The following LPP variants were observed in gnomAD, a reference collection of about 807,000 sequenced individuals.
The protein encoded by LPP is lipoma-preferred partner.
A neutral mutation model predicts 60.4 loss-of-function variants in LPP; 38 were observed. The ratio of observed to expected loss-of-function variants is 0.63; its 90% CI spans 0.49 to 0.83. LPP has a LOEUF of 0.83. Ranked by LOEUF, LPP falls within the 40% of genes least tolerant of loss-of-function variation. LPP has a pLI of 0.00. For missense variants in LPP, 902 were observed against 783.6 expected (o/e 1.15, Z -1.80); for synonymous variants, 328 against 290.8 (o/e 1.13, Z -1.30).
intron 8 of LPP, chr3:188,711,485 G>A (rs1711512369): frequency 6.6e-6 from 1 of 152,168 alleles, no homozygotes; most frequent in Non-Finnish European, 1.5e-5. Flanking sequence ...AGCTAGCCAG[G>A]CTACATATTT....
At chr3:188,577,119 T>C (rs1223017923) in intron 6 of LPP, among the ~76,000 whole-genome samples, 3 of 152,158 alleles carry the variant, frequency 2.0e-5, no homozygotes, top group Non-Finnish European at 2.9e-5. Flanking sequence ...GTTTTTAAGA[T>C]CACTGAGCTC....
At chr3:188,588,423 G>A (rs1837956427) in intron 6 of LPP, among the ~76,000 whole-genome samples, 3 of 152,114 alleles carry the variant, frequency 2.0e-5, no homozygotes. Flanking sequence ...AAAGGTAGAT[G>A]TTATCCTTCA....
At chr3:188,296,104 G>A (rs1235448589) in intron 2 of LPP, among the ~76,000 whole-genome samples, 13 of 152,142 alleles carry the variant, frequency 8.5e-5, no homozygotes, top group Non-Finnish European at 1.8e-4. Flanking sequence ...AAGCAAGATC[G>A]TGAATATAAT....
intron 2 of LPP, chr3:188,240,198 A>G (rs552696981): frequency 5.5e-6 from 1 of 180,504 alleles, no homozygotes; most frequent in Admixed American, 6.3e-5. Context: ...TGTGTGTTTC[A>G]TTTTCCTTTC....
intron 6 of LPP, among the ~76,000 whole-genome samples, chr3:188,534,268 G>A (rs1822971715): frequency 6.6e-6 from 1 of 152,148 alleles, no homozygotes; most frequent in Non-Finnish European, 1.5e-5. Flanking sequence ...TTGTTTGTTT[G>A]ACCTTGATGA....
Position 188,484,704 on chromosome 3 carries a change from G to A in LPP, c.306G>A (p.Gln102=). The change falls in exon 5 of 12, where the codon CAG becomes CAA. Residue 102 remains glutamine (Q), a splice_region_variant and synonymous_variant. Coordinates refer to ENST00000617246, the MANE Select transcript of LPP (RefSeq NM_001375462.1). ...PPLDEEAFKV[Q]GNPGGKTLEE... Reference sequence around the variant, plus strand: ...TTGATGAAGAGGCTTTCAAAGTACAGGTAAGAGCTGAAGTTAAAGTCATGT... The same window carrying A: ...TTGATGAAGAGGCTTTCAAAGTACAAGTAAGAGCTGAAGTTAAAGTCATGT... 1.3e-6 allele frequency: 2 copies of A among 1,599,228 alleles called. No individual in the cohort carries two copies. The highest frequency in any genetic ancestry group is 1.7e-6 in the Non-Finnish European group (2 of 1,166,634).
At chr3:188,176,379 G>A (rs946492995) in intron 1 of LPP, among the ~76,000 whole-genome samples, 1 of 152,088 alleles carries the variant, frequency 6.6e-6, no homozygotes, top group African/African-American at 2.4e-5. Flanking sequence ...CCTGGAAATA[G>A]AAAAGATTTG....
At chr3:188,526,540 C>G (rs1213467090) in intron 6 of LPP, among the ~76,000 whole-genome samples, 1 of 152,224 alleles carries the variant, frequency 6.6e-6, no homozygotes, top group Non-Finnish European at 1.5e-5. Flanking sequence ...ATCTGCCCGC[C>G]TTGGCCTCCC....
intron 9 of LPP, among the ~76,000 whole-genome samples, chr3:188,861,109 T>C (rs1359735855): frequency 2.0e-5 from 3 of 152,174 alleles, no homozygotes; most frequent in African/African-American, 4.8e-5. Context: ...CAGAAGTGAT[T>C]TTGGGCTCTT....
Position 188,874,542 on chromosome 3 carries a change from A to G in LPP, c.*63A>G, listed in dbSNP as rs1288114525. 2 of 1,570,698 alleles carry G rather than the reference A, an allele frequency of 1.3e-6. No individual in the cohort carries two copies. The highest frequency in any genetic ancestry group is 1.1e-5 in the South Asian group (1 of 88,092). ...ACACAAGAAAAAGATAAGAAATACT[A>G]GAGTAAAGGCCATCAAACTACGCGA... is the stretch of plus-strand genomic sequence containing the variant. On this transcript the variant is annotated 3_prime_UTR_variant, in exon 12 of 12. Coordinates refer to ENST00000617246, the MANE Select transcript of LPP (RefSeq NM_001375462.1).
chr3:188,287,252 G>A (rs189738282), intron 2 of LPP, among the ~76,000 whole-genome samples: 47 of 152,274 alleles, frequency 3.1e-4, no homozygotes, highest in African/African-American at 1.0e-3. Context: ...ATCTCCCTTG[G>A]CTTATAATAT....
rs546408935 is a variant in LPP at position 188,881,632 on chromosome 3, A to G, written c.*7153A>G. 2 of 222,626 alleles carry G rather than the reference A, an allele frequency of 9.0e-6. No individual in the cohort carries two copies. The highest frequency in any genetic ancestry group is 1.8e-5 in the Non-Finnish European group (2 of 111,224). 13.8% of individuals were successfully genotyped at this position (222,626 alleles called of 1,614,324 possible). On this transcript the variant is annotated 3_prime_UTR_variant, in exon 12 of 12. Transcript: ENST00000617246. ...ACAGTTCTGTTACTTTTTGTTCTGT[A>G]CTATTTTGGATGTTGCCAAAATCAA...
intron 10 of LPP, among the ~76,000 whole-genome samples, chr3:188,872,377 T>C (rs1019772566): frequency 6.6e-6 from 1 of 152,172 alleles, no homozygotes; most frequent in African/African-American, 2.4e-5. Context: ...AAGATGAATT[T>C]CATACCGCGC....
chr3:188,204,281 A>G (rs1241656355), intron 1 of LPP, among the ~76,000 whole-genome samples: 1 of 152,132 alleles, frequency 6.6e-6, no homozygotes, highest in Non-Finnish European at 1.5e-5. Flanking sequence ...GATTGGGCTC[A>G]TCCTGGAGGC....
intron 7 of LPP, among the ~76,000 whole-genome samples, chr3:188,623,727 C>T (rs1846256039): frequency 6.6e-6 from 1 of 152,242 alleles, no homozygotes; most frequent in Non-Finnish European, 1.5e-5. Flanking sequence ...CAAATTGTCA[C>T]TGCTGTGCAG....
At chr3:188,703,375 G>C (rs979340492) in intron 7 of LPP, among the ~76,000 whole-genome samples, 2 of 152,202 alleles carry the variant, frequency 1.3e-5, no homozygotes, top group Non-Finnish European at 2.9e-5. Flanking sequence ...AGAGGTATTA[G>C]AGTAGGTCTC....
intron 9 of LPP, among the ~76,000 whole-genome samples, chr3:188,781,940 C>G (rs1274557796): frequency 6.6e-6 from 1 of 151,716 alleles, no homozygotes; most frequent in Non-Finnish European, 1.5e-5. Context: ...ACTTACCTCC[C>G]ACTGTGTCCC....
chr3:188,753,966 C>T (rs898309013), intron 8 of LPP, among the ~76,000 whole-genome samples: 4 of 152,280 alleles, frequency 2.6e-5, no homozygotes, highest in South Asian at 2.1e-4. Context: ...ATGATAAAAA[C>T]TCTTGTATTC....
rs1580319513 is a variant in LPP, at chr3:188,603,360, T to TA, written c.430-5801_430-5800insA. Among the ~76,000 whole-genome samples, 3 of 151,976 alleles carry TA rather than the reference T, an allele frequency of 2.0e-5. No homozygotes were observed. The East Asian group carries it at 5.8e-4, about 29-fold the overall frequency. ...ATAAAGAATTTTGTGGTTTTTTTTT[T>TA]TTTAACATGTCAACTATTATATTTC... On this transcript the variant is annotated intron_variant, in intron 6 of 11. Coordinates refer to ENST00000617246, the MANE Select transcript of LPP (RefSeq NM_001375462.1).
Sources: allele counts gnomAD v4.1 joint callset (sites outside exome capture counted in the v4.1 genomes callset), GRCh38; gene constraint gnomAD v4.1.1; transcripts MANE v1.5; gene names NCBI Gene and HGNC (gene_info 2026-07-23, HGNC 2026-07-21).